INPP4B: variants seen among roughly 807,000 people sequenced by gnomAD.
INPP4B encodes the protein inositol polyphosphate-4-phosphatase type II B.
A neutral mutation model predicts 122.5 loss-of-function variants in INPP4B; 55 were observed. The observed-to-expected ratio is 0.45, with a 90% CI of 0.36 to 0.56. The LOEUF (loss-of-function observed/expected upper bound fraction) is 0.56. Among genes scored for constraint, INPP4B ranks in the 20% least tolerant of loss-of-function variants. INPP4B has a pLI of 0.00. For synonymous variants in INPP4B, 403 were observed against 388.7 expected, an observed-to-expected ratio of 1.04 and a Z score of -0.43; for missense variants, 1,000 against 1,097.7, an observed-to-expected ratio of 0.91 and a Z score of 1.26.
At chr4:142,754,847 A>G (rs28715927) in intron 1 of INPP4B, among the ~76,000 whole-genome samples, 1 of 152,032 alleles carries the variant, frequency 6.6e-6, no homozygotes, top group African/African-American at 2.4e-5. Flanking sequence ...CTTTTTGTGT[A>G]TTCACATTAG....
chr4:142,028,736 C>T lies in INPP4B; in HGVS notation c.*46G>A, dbSNP rs371573342. The T allele has an allele frequency of 1.3e-6, 2 of 1,559,520 alleles. No individual in the cohort carries two copies. The highest frequency in any genetic ancestry group is 3.9e-5 in the Admixed American group (2 of 51,514). ...AAAAAAGACCAAGGTGAAGATTATCCAACTGAAATGTATTTGTGTTCCTGT... is the reference window on the plus strand; with the variant it reads ...AAAAAAGACCAAGGTGAAGATTATCTAACTGAAATGTATTTGTGTTCCTGT... On this transcript the variant is annotated 3_prime_UTR_variant, in exon 26 of 26. Coordinates refer to ENST00000262992, the MANE Select transcript of INPP4B (RefSeq NM_001101669.3).
chr4:142,766,040 T>C (rs919748701), intron 1 of INPP4B: 7 of 152,262 alleles, frequency 4.6e-5, no homozygotes, highest in African/African-American at 1.4e-4. Flanking sequence ...ATATAACTTA[T>C]AGAACAGTCC....
At chr4:142,422,997 A>G (rs1269673994) in intron 5 of INPP4B, among the ~76,000 whole-genome samples, 3 of 152,092 alleles carry the variant, frequency 2.0e-5, no homozygotes, top group African/African-American at 7.2e-5. Context: ...AAATGCAAAA[A>G]TATACCTCTG....
At chr4:142,043,842 T>G (rs1455825660) in intron 25 of INPP4B, among the ~76,000 whole-genome samples, 1 of 152,102 alleles carries the variant, frequency 6.6e-6, no homozygotes, top group Non-Finnish European at 1.5e-5. Context: ...AGTGTTGGGA[T>G]TAGCTGTGTT....
At chr4:142,769,560 T>C (rs1580872193) in intron 1 of INPP4B, among the ~76,000 whole-genome samples, 1 of 152,136 alleles carries the variant, frequency 6.6e-6, no homozygotes, top group African/African-American at 2.4e-5. Context: ...TGTCTGAAAT[T>C]CCCCTATGGA....
At chr4:142,788,190 G>T (rs1345959553) in intron 1 of INPP4B, among the ~76,000 whole-genome samples, 1 of 151,796 alleles carries the variant, frequency 6.6e-6, no homozygotes, top group African/African-American at 2.4e-5. Context: ...TTAAAAAATA[G>T]GCAATATTAA....
chr4:142,505,925 C>T (rs1359068062), intron 2 of INPP4B, among the ~76,000 whole-genome samples: 6 of 152,120 alleles, frequency 3.9e-5, no homozygotes, highest in Admixed American at 3.9e-4. Flanking sequence ...CAAAGAGTTG[C>T]TATTAGTGAA....
chr4:142,784,191 C>T (rs1207330030), intron 1 of INPP4B, among the ~76,000 whole-genome samples: 4 of 151,676 alleles, frequency 2.6e-5, no homozygotes, highest in Admixed American at 2.0e-4. Context: ...GGTGAAACCC[C>T]GTCTCTACTA....
At chr4:142,195,664 C>T (rs1364246081) in intron 14 of INPP4B, among the ~76,000 whole-genome samples, 1 of 152,094 alleles carries the variant, frequency 6.6e-6, no homozygotes, top group Non-Finnish European at 1.5e-5. Flanking sequence ...TAAATGTATT[C>T]TCACTTCAAC....
At chr4:142,498,113 A>T (rs1483898732) in intron 2 of INPP4B, among the ~76,000 whole-genome samples, 2 of 141,874 alleles carry the variant, frequency 1.4e-5, no homozygotes, top group Non-Finnish European at 3.0e-5. Flanking sequence ...GTGTGTGTAT[A>T]TATATATACA....
intron 2 of INPP4B, among the ~76,000 whole-genome samples, chr4:142,612,999 T>G (rs912973913): frequency 6.6e-6 from 1 of 152,174 alleles, no homozygotes; most frequent in African/African-American, 2.4e-5. Flanking sequence ...ATAGAAAACT[T>G]CCTCAAAGGG....
At chr4:142,740,023 C>T (rs1767674435) in intron 1 of INPP4B, among the ~76,000 whole-genome samples, 1 of 151,950 alleles carries the variant, frequency 6.6e-6, no homozygotes, top group Non-Finnish European at 1.5e-5. Flanking sequence ...CGCACTAAAG[C>T]ATGTATAAAA....
At chr4:142,764,304 TGG>T (rs1198199064) in intron 1 of INPP4B, among the ~76,000 whole-genome samples, 11 of 152,138 alleles carry the variant, frequency 7.2e-5, no homozygotes, top group African/African-American at 2.7e-4. Flanking sequence ...ACTTTTAAAA[TGG>T]TAGTTGGAAA....
chr4:142,186,580 C>T (rs72720418), intron 15 of INPP4B, among the ~76,000 whole-genome samples: 13,269 of 152,188 alleles, frequency 0.087, 777 homozygotes, highest in Middle Eastern at 0.17. Flanking sequence ...CATTACAAGA[C>T]GAAATCTTGC....
At chr4:142,438,800 C>T (rs564831370) in intron 3 of INPP4B, among the ~76,000 whole-genome samples, 7 of 152,186 alleles carry the variant, frequency 4.6e-5, no homozygotes, top group South Asian at 2.1e-4. Flanking sequence ...GCAATCTACC[C>T]GTCGGACAAA....
At chr4:142,108,884 T>C (rs979942704) in intron 22 of INPP4B, among the ~76,000 whole-genome samples, 1 of 152,288 alleles carries the variant, frequency 6.6e-6, no homozygotes, top group East Asian at 1.9e-4. Flanking sequence ...GCTATGTAAA[T>C]GGCTTCCAAT....
intron 25 of INPP4B, among the ~76,000 whole-genome samples, chr4:142,042,554 G>T (rs1224604890): frequency 2.1e-4 from 7 of 32,704 alleles, no homozygotes; most frequent in Non-Finnish European, 3.4e-4. Context: ...ATGTATGTAT[G>T]TATGTATTTA....
chr4:142,117,927 T>A (rs1794534150), intron 21 of INPP4B, among the ~76,000 whole-genome samples: 1 of 152,172 alleles, frequency 6.6e-6, no homozygotes, highest in African/African-American at 2.4e-5. Context: ...CTTAAGCTGA[T>A]AGGCAACTTC....
At position 142,720,761 on chromosome 4, in the gene INPP4B, ATCTCTCTCTCTCTCTCTC is replaced by A. The variant is rs1175727015; in HGVS notation, c.-191+5060_-191+5077del. On this transcript the variant is annotated intron_variant, in intron 2 of 25. Transcript: ENST00000262992. ...ATATATATATATACATATATATATAATCTCTCTCTCTCTCTCTCTCTCTCTCTCTCTCTCTCTCTCTCT... is the reference window on the plus strand; with the variant it reads ...ATATATATATATACATATATATATAATCTCTCTCTCTCTCTCTCTCTCTCT... 6.1e-4 allele frequency among the ~76,000 whole-genome samples: 23 copies of A among 37,580 alleles called. 2 individuals are homozygous for A. The highest frequency in any genetic ancestry group is 5.0e-3 in the South Asian group (4 of 796). The allele number at this position is 37,580 out of a possible 152,430, so 24.7% of individuals were successfully genotyped here. A position where few individuals can be genotyped will look rare whatever the true frequency, so the allele number is the denominator to read the frequency against.
Sources: allele counts gnomAD v4.1 joint callset (sites outside exome capture counted in the v4.1 genomes callset), GRCh38; gene constraint gnomAD v4.1.1; transcripts MANE v1.5; gene names NCBI Gene and HGNC (gene_info 2026-07-23, HGNC 2026-07-21).